AATK: variants seen among roughly 807,000 people sequenced by gnomAD.
The protein encoded by AATK is lemur tail kinase 1.
In AATK, 91 loss-of-function variants were observed where a neutral mutation model predicts 114.3. That is an observed-to-expected ratio of 0.80 (90% CI 0.67 to 0.95). The LOEUF is 0.95. AATK is among the 40% of genes least tolerant of loss of function. The pLI is 0.00. For synonymous variants in AATK, 1,075 were observed against 916.5 expected, an observed-to-expected ratio of 1.17 and a Z score of -3.12; for missense variants, 2,176 against 1,965.2, an observed-to-expected ratio of 1.11 and a Z score of -2.03.
intron 1 of AATK, among the ~76,000 whole-genome samples, chr17:81,144,227 C>T (rs564045955): frequency 6.6e-6 from 1 of 152,378 alleles, no homozygotes; most frequent in South Asian, 2.1e-4. Context: ...GCCCACACCT[C>T]CCAAAAATGC....
intron 1 of AATK, among the ~76,000 whole-genome samples, chr17:81,154,522 T>TAGAGA (rs1555601101): frequency 7.3e-5 from 8 of 109,180 alleles, no homozygotes; most frequent in South Asian, 3.1e-4. Context: ...TTTCACCATA[T>TAGAGA]TGGCCAGGGT....
intron 1 of AATK, among the ~76,000 whole-genome samples, chr17:81,138,008 ACACGCACCCACATG>A (rs1598941707): frequency 6.7e-6 from 1 of 150,018 alleles, no homozygotes; most frequent in East Asian, 2.0e-4. Flanking sequence ...CCACACACGT[ACACGCACCCACATG>A]CACGCAAACC....
chr17:81,123,193 C>G lies in AATK; in HGVS notation c.1112+1G>C. On this transcript the variant is annotated splice_donor_variant, in intron 10 of 13. Transcript: ENST00000326724. LOFTEE classifies it high-confidence loss of function. ...CCGGGACAGGGCAGTGGGGCCCTCA[C>G]CAGCGGTCCGACAGGGTCAGCTGCA... is the stretch of plus-strand genomic sequence containing the variant. The G allele has an allele frequency of 7.0e-7, 1 of 1,423,558 alleles. No homozygotes were observed. Among genetic ancestry groups the G allele is most frequent in the Non-Finnish European group, 9.2e-7 (1 of 1,092,006 alleles). 88.2% of individuals were successfully genotyped at this position (1,423,558 alleles called of 1,614,324 possible).
At chr17:81,134,099 TC>T (rs2060975515) in intron 2 of AATK, among the ~76,000 whole-genome samples, 1 of 152,112 alleles carries the variant, frequency 6.6e-6, no homozygotes, top group Non-Finnish European at 1.5e-5. Context: ...CCGTGAGTGC[TC>T]GGGCCCAACC....
chr17:81,145,963 G>A (rs1195510773), intron 1 of AATK, among the ~76,000 whole-genome samples: 10 of 151,854 alleles, frequency 6.6e-5, no homozygotes, highest in Non-Finnish European at 8.8e-5. Context: ...CGAGGCAGGC[G>A]GATCACTCGA....
chr17:81,120,660 C>T lies in AATK; in HGVS notation c.3276G>A (p.Gly1092=), dbSNP rs763483301. 9 of 1,521,842 alleles carry T rather than the reference C, an allele frequency of 5.9e-6. No individual in the cohort carries two copies. Among genetic ancestry groups the T allele is most frequent in the African/African-American group, 5.5e-5 (4 of 72,104 alleles). 94.3% of individuals were successfully genotyped at this position (1,521,842 alleles called of 1,614,324 possible). A position where few individuals can be genotyped will look rare whatever the true frequency, so the allele number is the denominator to read the frequency against. Residue 1092 remains glycine, a synonymous_variant, in exon 11 of 14, where the codon GGG becomes GGA. Coordinates refer to ENST00000326724, the MANE Select transcript of AATK (RefSeq NM_001080395.3). ...EPQGPAKVRP[G]PSPSCSQFFL... is the part of the protein sequence containing the mutation. ...AAAACTGGGAGCAGCTGGGGCTGGG[C>T]CCAGGCCGCACCTTGGCTGGGCCTT...
rs201972361 is a variant in AATK at position 81,121,542 on chromosome 17, G to T, written c.2394C>A (p.Ser798=). ...CTCCCTCCTGGGATGGGGAGGGGAC[G>T]GAAGGAAGGGGCAGGCGGGGTCCGG... ...GTTGPRLPLP[S]VPSPSQEGAP... Residue 798 remains serine, a synonymous_variant, in exon 11 of 14, where the codon TCC becomes TCA. Transcript: ENST00000326724. The T allele has an allele frequency of 7.8e-6, 12 of 1,533,230 alleles. No individual in the cohort carries two copies. The highest frequency in any genetic ancestry group is 1.4e-5 in the African/African-American group (1 of 72,766). The allele number at this position is 1,533,230 out of a possible 1,614,324, so 95.0% of individuals were successfully genotyped here.
chr17:81,122,875 G>A (rs1176736688), intron 10 of AATK, 52 bp from the exon 11 acceptor site: 31 of 1,390,262 alleles, frequency 2.2e-5, no homozygotes, highest in Non-Finnish European at 2.6e-5. Flanking sequence ...GGCCAGGAAC[G>A]CGTCCCTGGA....
intron 6 of AATK, 57 bp downstream of exon 6, chr17:81,127,526 G>T (rs1426106764): frequency 1.4e-5 from 22 of 1,517,438 alleles, no homozygotes; most frequent in Non-Finnish European, 1.9e-5. Context: ...CACTGGCAGG[G>T]CAAGGGAGGG....
At chr17:81,127,152 G>A (rs1050160237) in intron 6 of AATK, among the ~76,000 whole-genome samples, 3 of 150,970 alleles carry the variant, frequency 2.0e-5, no homozygotes, top group African/African-American at 2.4e-5. Flanking sequence ...TCCCCGGGGC[G>A]GGGGGCGTTG....
At chr17:81,156,936 C>T (rs561402996) in intron 1 of AATK, among the ~76,000 whole-genome samples, 15 of 150,578 alleles carry the variant, frequency 1.0e-4, no homozygotes, top group African/African-American at 2.4e-4. Context: ...GGGCGGGGTA[C>T]GGCAAGACCC....
Position 81,119,518 on chromosome 17 carries a change from C to T in AATK, c.3946G>A (p.Ala1316Thr). 8 of 1,568,540 alleles carry T rather than the reference C, an allele frequency of 5.1e-6. No individual in the cohort carries two copies. The highest frequency in any genetic ancestry group is 1.2e-5 in the South Asian group (1 of 84,866). Residue 1316 changes from alanine (A) to threonine (T), a missense_variant, in exon 13 of 14, where the codon GCC (alanine) becomes ACC (threonine). Ala to Thr is a moderately conservative substitution (Grantham distance 58, BLOSUM62 0). Around this residue, in one of 4 missense-constraint regions of AATK, gnomAD observed 1,701 missense variants for 1,394.7 expected, o/e 1.22. Coordinates refer to ENST00000326724, the MANE Select transcript of AATK (RefSeq NM_001080395.3). The stretch of plus-strand genomic sequence containing the variant: ...GGGGCGGGTGCGGCCGGGTCTAGGG[C>T]CATGGCGAAGGCTGCCTTGGCCGTC... ...LMTAKAAFAM[A>T]LDPAAPAPAA...
Position 81,122,129 on chromosome 17 carries a change from G to A in AATK, c.1807C>T (p.Pro603Ser), listed in dbSNP as rs1285884613. 1.3e-6 allele frequency: 2 copies of A among 1,538,162 alleles called. No individual in the cohort carries two copies. The highest frequency in any genetic ancestry group is 1.7e-6 in the Non-Finnish European group (2 of 1,144,616). ...HYPRRSLARD[P>S]LCPSRSPSPS... is the part of the protein sequence containing the mutation. The stretch of plus-strand genomic sequence containing the variant: ...GAGGGAGAGCGTGAGGGGCAGAGCG[G>A]GTCCCGCGCCAAGCTTCTGCGAGGG... Residue 603 changes from proline to serine, a missense_variant, in exon 11 of 14, where the codon CCG (proline) becomes TCG (serine). This residue lies in a region of AATK where 1,701 missense variants were observed against 1,394.7 expected (regional missense o/e 1.22). Coordinates refer to ENST00000326724, the MANE Select transcript of AATK (RefSeq NM_001080395.3).
rs2060832316 is a variant in AATK at position 81,126,722 on chromosome 17, T to C, written c.622-162A>G. The C allele has an allele frequency of 7.1e-7, 1 of 1,418,018 alleles. No individual in the cohort carries two copies. The highest frequency in any genetic ancestry group is 9.2e-7 in the Non-Finnish European group (1 of 1,087,304). The allele number at this position is 1,418,018 out of a possible 1,614,324, so 87.8% of individuals were successfully genotyped here. On this transcript the variant is annotated intron_variant, in intron 6 of 13. Coordinates refer to ENST00000326724, the MANE Select transcript of AATK (RefSeq NM_001080395.3). The surrounding 1 kb of genome is among the most constrained non-coding windows in gnomAD (Gnocchi z 5.1). ...TGCACAGTGGCCAGCACCCAGCAGT[T>C]CCTGGAGGGGGGCCGTGTCCCCCAG...
At position 81,121,079 on chromosome 17, in the gene AATK, CCTT is replaced by C; in HGVS notation, c.2854_2856del (p.Lys952del). ...TGGGGCTCACACCCTTCCTGCGCCT[CCTT>C]GAGCACAAACTCAGGGGACTCATAG... is the stretch of plus-strand genomic sequence containing the variant. On this transcript the variant is annotated inframe_deletion, in exon 11 of 14. Coordinates refer to ENST00000326724, the MANE Select transcript of AATK (RefSeq NM_001080395.3). 1 of 1,606,936 alleles carries C rather than the reference CCTT, an allele frequency of 6.2e-7. No individual in the cohort carries two copies. Among genetic ancestry groups the C allele is most frequent in the Non-Finnish European group, 8.5e-7 (1 of 1,176,702 alleles).
At position 81,126,769 on chromosome 17, in the gene AATK, T is replaced by G; in HGVS notation, c.622-209A>C. 1 of 1,391,752 alleles carries G rather than the reference T, an allele frequency of 7.2e-7. No individual in the cohort carries two copies. Among genetic ancestry groups the G allele is most frequent in the Admixed American group, 3.0e-5 (1 of 33,282 alleles). 86.2% of individuals were successfully genotyped at this position (1,391,752 alleles called of 1,614,324 possible). On this transcript the variant is annotated intron_variant, in intron 6 of 13. Transcript: ENST00000326724. This position sits in a 1 kb window ranked among gnomAD's most constrained non-coding sequence, Gnocchi z 5.1. ...CCAGGGCTGGGCTGGACTGAAGGCT[T>G]CCTCTCCACTGCCCCTCAGCCAGCC...
chr17:81,120,838 G>C lies in AATK; in HGVS notation c.3098C>G (p.Pro1033Arg). The C allele has an allele frequency of 6.3e-7, 1 of 1,579,250 alleles. No individual in the cohort carries two copies. Among genetic ancestry groups the C allele is most frequent in the Non-Finnish European group, 8.6e-7 (1 of 1,162,996 alleles). Residue 1033 changes from proline (P) to arginine (R), a missense_variant, in exon 11 of 14, where the codon CCG (proline) becomes CGG (arginine). Pro to Arg is a moderately radical substitution (Grantham distance 103). This residue lies in a region of AATK where 1,701 missense variants were observed against 1,394.7 expected (regional missense o/e 1.22). Coordinates refer to ENST00000326724, the MANE Select transcript of AATK (RefSeq NM_001080395.3). ...AGGCCTGAGACAGACCTGCTCAGAC[G>C]GCTGCCCAGTGCTCGGCAGGCCCAG... ...PELGLPSTGQ[P>R]SEQVCLRPGV...
intron 1 of AATK, among the ~76,000 whole-genome samples, chr17:81,141,037 C>A (rs1317885540): frequency 1.6e-5 from 2 of 128,262 alleles, no homozygotes; most frequent in African/African-American, 5.6e-5. Context: ...ACCGTGGGGA[C>A]CATGGGGACC....
At chr17:81,146,200 A>AAG (rs1555599002) in intron 1 of AATK, among the ~76,000 whole-genome samples, 1 of 150,906 alleles carries the variant, frequency 6.6e-6, no homozygotes, top group Non-Finnish European at 1.5e-5. Flanking sequence ...AAAAAAAAAA[A>AAG]AAAAGAAAAA....
Sources: allele counts gnomAD v4.1 joint callset (sites outside exome capture counted in the v4.1 genomes callset), GRCh38; gene constraint gnomAD v4.1.1; regional missense constraint gnomAD v4.1.1; non-coding constraint Gnocchi (gnomAD v3.1); transcripts MANE v1.5; gene names NCBI Gene and HGNC (gene_info 2026-07-23, HGNC 2026-07-21).